AKAP1: variants seen among roughly 807,000 people sequenced by gnomAD.
AKAP1 encodes A-kinase anchor protein 1, mitochondrial.
In AKAP1, 32 loss-of-function variants were observed where a neutral mutation model predicts 79.8. That is an observed-to-expected ratio of 0.40 (90% CI 0.30 to 0.54). AKAP1 has a LOEUF of 0.54. Ranked by LOEUF, AKAP1 falls within the 20% of genes least tolerant of loss-of-function variation. The probability of loss-of-function intolerance (pLI) is 0.47; values close to 1 mark genes in which losing one functional copy is unlikely to be tolerated. For synonymous variants in AKAP1, 416 were observed against 466.7 expected (o/e 0.89, Z 1.40); for missense variants, 961 against 1,138.9 (o/e 0.84, Z 2.25).
chr17:57,101,369 G>A (rs1567902686), intron 1 of AKAP1, among the ~76,000 whole-genome samples: 1 of 152,064 alleles, frequency 6.6e-6, no homozygotes, highest in African/African-American at 2.4e-5. Flanking sequence ...TTAGAGACAG[G>A]GTTTCACATG....
chr17:57,112,576 A>G lies in AKAP1; in HGVS notation c.2061A>G (p.Pro687=), dbSNP rs201983773. ...ACCTCACCAATATCTACGCTCCCCC[A>G]TTGCCTTCACTGGCACTGCCTTCTC... ...ELNLTNIYAP[P]LPSLALPSLP... The change falls in exon 5 of 11, where the codon CCA becomes CCG. Residue 687 remains proline (P), a synonymous_variant. Coordinates refer to ENST00000337714, the MANE Select transcript of AKAP1 (RefSeq NM_003488.4). 7.4e-6 allele frequency: 12 copies of G among 1,614,120 alleles called. No individual in the cohort carries two copies. In the East Asian group the frequency reaches 2.5e-4, roughly 33 times the overall value.
rs1597993879 is a variant in AKAP1 at position 57,118,229 on chromosome 17, G to C, written c.2501-152G>C. The C allele has an allele frequency of 3.7e-5, 25 of 669,578 alleles. No individual in the cohort carries two copies. In the East Asian group the frequency reaches 7.3e-4, roughly 20 times the overall value. The allele number at this position is 669,578 out of a possible 1,614,324, so 41.5% of individuals were successfully genotyped here. A position where few individuals can be genotyped will look rare whatever the true frequency, so the allele number is the denominator to read the frequency against. On this transcript the variant is annotated intron_variant, in intron 8 of 10. Transcript: ENST00000337714. ...GGAGTCATATGGAGGCCTAGGCTCTGTCTCTGACCTGGGTGGATCTCCCCA... is the reference window on the plus strand; with the variant it reads ...GGAGTCATATGGAGGCCTAGGCTCTCTCTCTGACCTGGGTGGATCTCCCCA...
chr17:57,104,206 G>A (rs951583484), intron 1 of AKAP1, among the ~76,000 whole-genome samples: 6 of 152,074 alleles, frequency 3.9e-5, no homozygotes, highest in African/African-American at 4.8e-5. Flanking sequence ...GTGATCTGCC[G>A]AGCTCTGCTT....
At position 57,086,024 on chromosome 17, in the gene AKAP1, C is replaced by G. The variant is rs56259592; in HGVS notation, c.-25+626C>G. On this transcript the variant is annotated intron_variant, in intron 1 of 10. Transcript: ENST00000337714. The surrounding 1 kb of genome is among the most constrained non-coding windows in gnomAD (Gnocchi z 5.1). ...GGCCGGGACATCGGCCGGTTGTGAT[C>G]CAACCGTGTTTCGGGCTGAGGGACC... 15,083 of 189,792 alleles carry G rather than the reference C, an allele frequency of 0.079. 645 individuals carry two copies. Among genetic ancestry groups the G allele is most frequent in the East Asian group, 0.13 (743 of 5,514 alleles). The allele number at this position is 189,792 out of a possible 1,614,324, so 11.8% of individuals were successfully genotyped here. A position where few individuals can be genotyped will look rare whatever the true frequency, so the allele number is the denominator to read the frequency against.
chr17:57,088,678 G>T (rs1015457140), intron 1 of AKAP1, among the ~76,000 whole-genome samples: 1 of 152,208 alleles, frequency 6.6e-6, no homozygotes, highest in African/African-American at 2.4e-5. Context: ...TAAGTAGATT[G>T]TTAACATTGT....
rs1331019429 is a variant in AKAP1, at chr17:57,116,793, A to G, written c.2433-67A>G. The stretch of plus-strand genomic sequence containing the variant: ...TTATGGGCGTCACTGTACAAAGATG[A>G]ATACTGGCTTGGAGTGGAGTCAGCC... On this transcript the variant is annotated intron_variant, in intron 7 of 10. Coordinates refer to ENST00000337714, the MANE Select transcript of AKAP1 (RefSeq NM_003488.4). 1.3e-5 allele frequency: 19 copies of G among 1,451,328 alleles called. No individual in the cohort carries two copies. In the East Asian group the frequency reaches 3.2e-4, roughly 24 times the overall value. 89.9% of individuals were successfully genotyped at this position (1,451,328 alleles called of 1,614,324 possible).
intron 6 of AKAP1, among the ~76,000 whole-genome samples, chr17:57,115,676 C>T (rs1025466346): frequency 6.6e-6 from 1 of 152,200 alleles, no homozygotes; most frequent in African/African-American, 2.4e-5. Context: ...GAGTTGTGGG[C>T]TGGAGCACAC....
At chr17:57,099,790 G>T (rs1914370377) in intron 1 of AKAP1, among the ~76,000 whole-genome samples, 1 of 152,206 alleles carries the variant, frequency 6.6e-6, no homozygotes, top group Non-Finnish European at 1.5e-5. Context: ...TCTGAGGACT[G>T]AGAACAGGGC....
chr17:57,106,026 G>C lies in AKAP1; in HGVS notation c.562G>C (p.Glu188Gln). 1.2e-6 allele frequency: 2 copies of C among 1,613,504 alleles called. No individual in the cohort carries two copies. The highest frequency in any genetic ancestry group is 2.2e-5 in the South Asian group (2 of 91,062). The part of the protein sequence containing the change: ...VQPGYPVVPA[E>Q]KRSSGERARE... ...GCCAGGCTACCCCGTAGTCCCCGCAGAGAAGCGTAGCTCTGGGGAGAGGGC... is the reference window on the plus strand; with the variant it reads ...GCCAGGCTACCCCGTAGTCCCCGCACAGAAGCGTAGCTCTGGGGAGAGGGC... Residue 188 changes from glutamate to glutamine, a missense_variant, in exon 2 of 11, where the codon GAG becomes CAG. By Grantham distance (29) the Glu-to-Gln change is conservative. Coordinates refer to ENST00000337714, the MANE Select transcript of AKAP1 (RefSeq NM_003488.4).
Position 57,119,071 on chromosome 17 carries a change from G to A in AKAP1, c.2637+27G>A, listed in dbSNP as rs773897376. On this transcript the variant is annotated intron_variant, in intron 10 of 10. Coordinates refer to ENST00000337714, the MANE Select transcript of AKAP1 (RefSeq NM_003488.4). ...TAAGTTCTGCCCTTCTTTTCCTTCTGTGTTGCTGGCCCGAAGTAATGGATT... is the reference window on the plus strand; with the variant it reads ...TAAGTTCTGCCCTTCTTTTCCTTCTATGTTGCTGGCCCGAAGTAATGGATT... The A allele has an allele frequency of 1.9e-5, 30 of 1,611,134 alleles. No individual in the cohort carries two copies. In the African/African-American group the frequency reaches 3.5e-4, roughly 19 times the overall value.
chr17:57,118,859 C>G, intron 9 of AKAP1, 123 bp from the exon 10 acceptor site: 7 of 1,056,566 alleles, frequency 6.6e-6, no homozygotes, highest in Non-Finnish European at 8.6e-6. Flanking sequence ...GCCTCATGAT[C>G]CAATCACCTC....
intron 4 of AKAP1, 146 bp downstream of exon 4, chr17:57,112,070 G>C (rs1218857908): frequency 4.5e-6 from 5 of 1,111,186 alleles, no homozygotes; most frequent in Non-Finnish European, 6.3e-6. Flanking sequence ...CTTCCCTGCA[G>C]CCTTTTCCCC....
At chr17:57,110,266 AG>A in intron 3 of AKAP1, 108 bp downstream of exon 3, 2 of 1,468,372 alleles carry the variant, frequency 1.4e-6, no homozygotes, top group Non-Finnish European at 9.1e-7. Context: ...ACAGTAAACC[AG>A]AAGGAGCCCT....
intron 6 of AKAP1, among the ~76,000 whole-genome samples, chr17:57,115,512 T>A (rs1362650888): frequency 6.6e-6 from 1 of 152,142 alleles, no homozygotes; most frequent in African/African-American, 2.4e-5. Flanking sequence ...CTGGGAACGT[T>A]TACCTCCTGG....
chr17:57,120,621 T>A lies in AKAP1; in HGVS notation c.*297T>A, dbSNP rs117071737. ...AACAGTTTCAACCAGATTGTCCTAT[T>A]CCCCCTGTTCCATTCCCCTCTTCTT... On this transcript the variant is annotated 3_prime_UTR_variant, in exon 11 of 11. Transcript: ENST00000337714. The A allele has an allele frequency of 1.1e-3, 274 of 259,546 alleles. 2 individuals carry two copies. Among genetic ancestry groups the A allele is most frequent in the South Asian group, 7.3e-3 (75 of 10,228 alleles). 16.1% of individuals were successfully genotyped at this position (259,546 alleles called of 1,614,324 possible).
chr17:57,104,685 C>T (rs928998579), intron 1 of AKAP1, among the ~76,000 whole-genome samples: 1 of 152,194 alleles, frequency 6.6e-6, no homozygotes, highest in Admixed American at 6.5e-5. Flanking sequence ...GAGAGAGTAG[C>T]GCATCACCTA....
At chr17:57,116,553 CAG>C in intron 7 of AKAP1, among the ~76,000 whole-genome samples, 1 of 152,276 alleles carries the variant, frequency 6.6e-6, no homozygotes, top group African/African-American at 2.4e-5. Flanking sequence ...CACTTGAGTG[CAG>C]GAGTTCAAGA....
At position 57,119,055 on chromosome 17, in the gene AKAP1, C is replaced by T. The variant is rs758425887; in HGVS notation, c.2637+11C>T. 3 of 1,612,746 alleles carry T rather than the reference C, an allele frequency of 1.9e-6. No individual in the cohort carries two copies. The highest frequency in any genetic ancestry group is 1.1e-5 in the South Asian group (1 of 90,980). On this transcript the variant is annotated intron_variant, in intron 10 of 10. Coordinates refer to ENST00000337714, the MANE Select transcript of AKAP1 (RefSeq NM_003488.4). ...GTGGTTGGAGATGAAGTAAGTTCTG[C>T]CCTTCTTTTCCTTCTGTGTTGCTGG...
intron 1 of AKAP1, among the ~76,000 whole-genome samples, chr17:57,098,760 ATTTT>A (rs1170190519): frequency 2.4e-5 from 3 of 122,860 alleles, no homozygotes; most frequent in Non-Finnish European, 3.3e-5. Flanking sequence ...GGGCTAGCTG[ATTTT>A]TTTTTTTTTT....
Sources: allele counts gnomAD v4.1 joint callset (sites outside exome capture counted in the v4.1 genomes callset), GRCh38; gene constraint gnomAD v4.1.1; non-coding constraint Gnocchi (gnomAD v3.1); transcripts MANE v1.5; gene names NCBI Gene and HGNC (gene_info 2026-07-23, HGNC 2026-07-21).